The following ERI1 variants were observed in gnomAD, a reference collection of about 807,000 sequenced individuals.
The protein encoded by ERI1 is exoribonuclease 1.
Under a neutral mutation model 39.7 loss-of-function variants are expected in ERI1, and 39 were observed. The observed-to-expected ratio is 0.98, with a 90% CI of 0.76 to 1.28. ERI1 has a LOEUF of 1.28. Among genes scored for constraint, ERI1 ranks in the 50% most tolerant of loss-of-function variants. The probability of loss-of-function intolerance (pLI) is 0.00; values close to 1 mark genes in which losing one functional copy is unlikely to be tolerated. For missense variants in ERI1, 581 were observed against 416.9 expected, an observed-to-expected ratio of 1.39 and a Z score of -3.43; for synonymous variants, 204 against 149.6, an observed-to-expected ratio of 1.36 and a Z score of -2.65.
At position 9,004,021 on chromosome 8, in the gene ERI1, C is replaced by A. The variant is rs1442888023; in HGVS notation, c.108+850C>A. 4.1e-6 allele frequency: 5 copies of A among 1,226,930 alleles called. No homozygotes were observed. In the South Asian group the frequency reaches 6.3e-5, roughly 15 times the overall value. The allele number at this position is 1,226,930 out of a possible 1,614,324, so 76.0% of individuals were successfully genotyped here. ...ATTTGCTGCTCTGCGGGGTCGGGTG[C>A]CTGCCTCCCTTGGTAATTGCATCTC... On this transcript the variant is annotated intron_variant, in intron 1 of 6. Transcript: ENST00000250263.
chr8:9,033,812 C>T (rs367712442), downstream of ERI1, among the ~76,000 whole-genome samples: 1 of 152,136 alleles, frequency 6.6e-6, no homozygotes, highest in East Asian at 1.9e-4. Context: ...TTGGCTTAAC[C>T]TGATATTCCA....
At position 9,096,235 on chromosome 8, in the gene ERI1, TCTC is replaced by T. The variant is rs539911800; in HGVS notation, n.300-20110_300-20108del. Among the ~76,000 whole-genome samples, 8 of 152,276 alleles carry T rather than the reference TCTC, an allele frequency of 5.3e-5. No homozygotes were observed. In the East Asian group the frequency reaches 1.4e-3, roughly 26 times the overall value. Reference sequence around the variant, plus strand: ...TTTTCAGTTGCTTTGCTTCCTCTCTTCTCCTTTCAAAACAAAGCCAGGTCCTCT... The same window carrying T: ...TTTTCAGTTGCTTTGCTTCCTCTCTTCTTTCAAAACAAAGCCAGGTCCTCT... On this transcript the variant is annotated intron_variant and non_coding_transcript_variant, in intron 3 of 3. Coordinates refer to the ERI1 transcript ENST00000518663.
At position 9,033,212 on chromosome 8, in the gene ERI1, T is replaced by A. The variant is rs1294906265; in HGVS notation, c.*3178T>A. On this transcript the variant is annotated 3_prime_UTR_variant, in exon 7 of 7. Coordinates refer to ENST00000250263, the MANE Select transcript of ERI1 (RefSeq NM_153332.4). ...CCACCCATGGGCCAAATCTGGCTGC[T>A]GCCTATTTTTGTATGGCCTACAAAC... The A allele has an allele frequency of 6.6e-6, 1 of 152,096 alleles. No homozygotes were observed. Among genetic ancestry groups the A allele is most frequent in the African/African-American group, 2.4e-5 (1 of 41,406 alleles). The allele number at this position is 152,096 out of a possible 1,614,324, so 9.4% of individuals were successfully genotyped here.
intron 3 of ERI1, among the ~76,000 whole-genome samples, chr8:9,039,678 A>G (rs940614063): frequency 1.3e-5 from 2 of 152,236 alleles, no homozygotes; most frequent in Non-Finnish European, 2.9e-5. Context: ...AGAATTAAGA[A>G]TCAAATAAAA....
chr8:9,083,822 C>G (rs1012952028), intron 3 of ERI1, among the ~76,000 whole-genome samples: 1 of 151,696 alleles, frequency 6.6e-6, no homozygotes, highest in African/African-American at 2.4e-5. Context: ...GAGACAGAGT[C>G]TCGCTCTGTA....
rs773031867 is a variant in ERI1, at chr8:9,008,095, A to C, written c.234A>C (p.Arg78Ser). Reference sequence around the variant, plus strand: ...CCATTACGAATGGCTGTATTAATAGAATGAGTAAGGAAGAACTCAGAGCTA... The same window carrying C: ...CCATTACGAATGGCTGTATTAATAGCATGAGTAAGGAAGAACTCAGAGCTA... ...EIAITNGCIN[R>S]MSKEELRAKL... The change falls in exon 2 of 7, where the codon AGA (arginine) becomes AGC (serine). Residue 78 changes from arginine to serine, a missense_variant. By Grantham distance (110) the Arg-to-Ser change is moderately radical (BLOSUM62 -1). Transcript: ENST00000250263. The C allele has an allele frequency of 6.2e-7, 1 of 1,612,224 alleles. No individual in the cohort carries two copies. The highest frequency in any genetic ancestry group is 1.7e-5 in the Admixed American group (1 of 59,762).
intron 3 of ERI1, among the ~76,000 whole-genome samples, chr8:9,078,248 C>T (rs1013337300): frequency 6.6e-6 from 1 of 152,208 alleles, no homozygotes; most frequent in Non-Finnish European, 1.5e-5. Context: ...CTTTGGCCTT[C>T]CAAAATGCTG....
intron 3 of ERI1, among the ~76,000 whole-genome samples, chr8:9,083,720 G>A (rs1799437625): frequency 1.3e-5 from 2 of 152,014 alleles, no homozygotes; most frequent in South Asian, 4.1e-4. Context: ...TTGGGAGGCT[G>A]AGGTGGGAGA....
chr8:9,084,044 C>T lies in ERI1; in HGVS notation n.300-32304C>T, dbSNP rs556833028. Among the ~76,000 whole-genome samples, 272 of 152,294 alleles carry T rather than the reference C, an allele frequency of 1.8e-3. 5 individuals carry two copies. The Middle Eastern group carries it at 0.02, about 11-fold the overall frequency. On this transcript the variant is annotated intron_variant and non_coding_transcript_variant, in intron 3 of 3. Transcript: ENST00000518663. Reference sequence around the variant, plus strand: ...TCCTGACCTCATGATCAACCCGCCTCGGCCTCCCAAAATGCTGGGATTACA... The same window carrying T: ...TCCTGACCTCATGATCAACCCGCCTTGGCCTCCCAAAATGCTGGGATTACA...
chr8:9,038,254 T>G (rs1311633348), downstream of ERI1, among the ~76,000 whole-genome samples: 1 of 152,214 alleles, frequency 6.6e-6, no homozygotes, highest in Non-Finnish European at 1.5e-5. Context: ...TTTATTCTAA[T>G]GTAATACAGT....
At chr8:9,009,599 G>A (rs1008745992) in intron 2 of ERI1, among the ~76,000 whole-genome samples, 6 of 152,122 alleles carry the variant, frequency 3.9e-5, no homozygotes, top group Admixed American at 1.3e-4. Context: ...GAGTGCAGTG[G>A]TGTGATCTCG....
At position 9,008,100 on chromosome 8, in the gene ERI1, G is replaced by A. The variant is rs1816234123; in HGVS notation, c.239G>A (p.Ser80Asn). The A allele has an allele frequency of 6.2e-7, 1 of 1,610,830 alleles. No homozygotes were observed. The highest frequency in any genetic ancestry group is 8.5e-7 in the Non-Finnish European group (1 of 1,178,792). Residue 80 changes from serine (S) to asparagine (N), a missense_variant, in exon 2 of 7, where the codon AGT becomes AAT. Transcript: ENST00000250263. ...AITNGCINRM[S>N]KEELRAKLSE... ...ACGAATGGCTGTATTAATAGAATGA[G>A]TAAGGAAGAACTCAGAGCTAAGCTT...
chr8:9,034,342 G>C (rs1051581328), downstream of ERI1, among the ~76,000 whole-genome samples: 2 of 152,228 alleles, frequency 1.3e-5, no homozygotes, highest in African/African-American at 4.8e-5. Flanking sequence ...GTGCTTCGCA[G>C]ATACTATTTT....
At chr8:9,016,726 C>A (rs1302783682) in intron 4 of ERI1, among the ~76,000 whole-genome samples, 11 of 152,206 alleles carry the variant, frequency 7.2e-5, no homozygotes, top group African/African-American at 2.7e-4. Flanking sequence ...CACTCTGTCA[C>A]CCAGGCTTGA....
At chr8:9,051,813 C>G (rs931098370) in intron 3 of ERI1, among the ~76,000 whole-genome samples, 8 of 152,230 alleles carry the variant, frequency 5.3e-5, no homozygotes, top group Non-Finnish European at 1.2e-4. Context: ...ATGATCACTT[C>G]CTTTTCTCAG....
At chr8:9,028,804 A>G (rs1037001363) in intron 6 of ERI1, among the ~76,000 whole-genome samples, 2 of 151,664 alleles carry the variant, frequency 1.3e-5, no homozygotes, top group Non-Finnish European at 2.9e-5. Context: ...TTATATTTTT[A>G]GTAGAGATGG....
chr8:9,031,439 C>T lies in ERI1; in HGVS notation c.*1405C>T, dbSNP rs1037562781. The stretch of plus-strand genomic sequence containing the variant: ...TGAGAGTGTGGTGTTCCTAGATGAA[C>T]TGTTACAGATTATAGTAAAATAAGG... On this transcript the variant is annotated 3_prime_UTR_variant, in exon 7 of 7. Transcript: ENST00000250263. 3 of 152,108 alleles carry T rather than the reference C, an allele frequency of 2.0e-5. No homozygotes were observed. The highest frequency in any genetic ancestry group is 7.2e-5 in the African/African-American group (3 of 41,410). 9.4% of individuals were successfully genotyped at this position (152,108 alleles called of 1,614,324 possible). A position where few individuals can be genotyped will look rare whatever the true frequency, so the allele number is the denominator to read the frequency against.
chr8:9,044,564 A>G (rs1254159350), intron 3 of ERI1, among the ~76,000 whole-genome samples: 1 of 152,200 alleles, frequency 6.6e-6, no homozygotes, highest in Admixed American at 6.5e-5. Flanking sequence ...CAAAGTACAC[A>G]GAGGACAGTG....
intron 3 of ERI1, among the ~76,000 whole-genome samples, chr8:9,098,956 C>A (rs2117500261): frequency 6.6e-6 from 1 of 152,212 alleles, no homozygotes; most frequent in East Asian, 1.9e-4. Context: ...GCCTCAGCTT[C>A]CCGAGTAGCT....
Sources: allele counts gnomAD v4.1 joint callset (sites outside exome capture counted in the v4.1 genomes callset), GRCh38; gene constraint gnomAD v4.1.1; transcripts MANE v1.5; gene names NCBI Gene and HGNC (gene_info 2026-07-23, HGNC 2026-07-21).